Variants in THEMIS observed in about 807,000 individuals in gnomAD.
The protein encoded by THEMIS is protein THEMIS.
Under a neutral mutation model 52.6 loss-of-function variants are expected in THEMIS, and 37 were observed. The ratio of observed to expected loss-of-function variants is 0.70; its 90% CI spans 0.54 to 0.93. The LOEUF (loss-of-function observed/expected upper bound fraction) is 0.93, where lower values mean the gene tolerates loss of function less well. THEMIS is among the 40% of genes least tolerant of loss of function. The probability of loss-of-function intolerance (pLI) is 0.00; values close to 1 mark genes in which losing one functional copy is unlikely to be tolerated. For synonymous variants in THEMIS, 292 were observed against 272.7 expected, an observed-to-expected ratio of 1.07 and a Z score of -0.70; for missense variants, 808 against 763.1, an observed-to-expected ratio of 1.06 and a Z score of -0.69.
At chr6:127,791,440 G>T (rs1777152468) in intron 4 of THEMIS, among the ~76,000 whole-genome samples, 1 of 152,178 alleles carries the variant, frequency 6.6e-6, no homozygotes, top group Non-Finnish European at 1.5e-5. Flanking sequence ...GCTCAAGTCT[G>T]GCTGAGTCCA....
upstream of THEMIS, among the ~76,000 whole-genome samples, chr6:127,901,375 C>T (rs1781130307): frequency 6.6e-6 from 1 of 152,014 alleles, no homozygotes; most frequent in Non-Finnish European, 1.5e-5. Context: ...AAAATGGCAC[C>T]ATGTGAATTC....
chr6:127,765,905 T>G (rs998887542), intron 4 of THEMIS, among the ~76,000 whole-genome samples: 11 of 152,286 alleles, frequency 7.2e-5, no homozygotes, highest in African/African-American at 2.6e-4. Context: ...CAATAATCGG[T>G]GCATACATGT....
At chr6:127,716,126 A>G (rs766556736) in intron 5 of THEMIS, among the ~76,000 whole-genome samples, 1 of 151,926 alleles carries the variant, frequency 6.6e-6, no homozygotes, top group Non-Finnish European at 1.5e-5. Context: ...AGAAAATTAC[A>G]TTAGAAAATA....
chr6:127,809,602 T>C (rs914983441), intron 4 of THEMIS, among the ~76,000 whole-genome samples: 4 of 152,210 alleles, frequency 2.6e-5, no homozygotes, highest in Admixed American at 6.5e-5. Context: ...CAAAGAACTG[T>C]AGACTCTTCT....
intron 4 of THEMIS, among the ~76,000 whole-genome samples, chr6:127,789,102 GA>G (rs1777073294): frequency 1.3e-5 from 2 of 152,032 alleles, no homozygotes; most frequent in Non-Finnish European, 1.5e-5. Flanking sequence ...CTGATTTTTT[GA>G]AAAGATTAAC....
intron 2 of THEMIS, among the ~76,000 whole-genome samples, chr6:127,853,740 T>C (rs927104712): frequency 6.6e-6 from 1 of 151,714 alleles, no homozygotes; most frequent in African/African-American, 2.4e-5. Flanking sequence ...CTATATGCCA[T>C]GTACCTTTCT....
At chr6:127,710,390 A>G (rs958205215) in intron 5 of THEMIS, among the ~76,000 whole-genome samples, 39 of 152,030 alleles carry the variant, frequency 2.6e-4, no homozygotes, top group African/African-American at 9.2e-4. Flanking sequence ...CAGCAATCAC[A>G]TAGCTAGTAA....
At chr6:127,917,790 T>C (rs1363685532) in intron 1 of THEMIS, among the ~76,000 whole-genome samples, 1 of 152,220 alleles carries the variant, frequency 6.6e-6, no homozygotes, top group Non-Finnish European at 1.5e-5. Flanking sequence ...AATTGTGTCA[T>C]TAAAGATAAA....
At chr6:127,916,120 A>T (rs1244298995) in intron 1 of THEMIS, among the ~76,000 whole-genome samples, 1 of 152,056 alleles carries the variant, frequency 6.6e-6, no homozygotes, top group Non-Finnish European at 1.5e-5. Flanking sequence ...TTGTTTAATT[A>T]AAAATATGAT....
intron 4 of THEMIS, among the ~76,000 whole-genome samples, chr6:127,798,986 C>A (rs1215800173): frequency 3.1e-5 from 4 of 128,538 alleles, no homozygotes; most frequent in African/African-American, 1.2e-4. Context: ...AGCGAGACTC[C>A]GTCTCAAAAA....
intron 4 of THEMIS, among the ~76,000 whole-genome samples, chr6:127,791,864 G>A (rs1041768700): frequency 1.3e-5 from 2 of 152,216 alleles, no homozygotes; most frequent in Non-Finnish European, 2.9e-5. Context: ...CAGCCCCCAG[G>A]CTTGGCCACA....
At chr6:127,729,788 AAT>A (rs1486342907) in intron 4 of THEMIS, among the ~76,000 whole-genome samples, 23 of 152,184 alleles carry the variant, frequency 1.5e-4, no homozygotes, top group African/African-American at 5.3e-4. Flanking sequence ...TCATTCGAGT[AAT>A]GAGTTTTCAT....
intron 4 of THEMIS, among the ~76,000 whole-genome samples, chr6:127,737,247 G>T (rs1292956497): frequency 1.3e-5 from 2 of 152,126 alleles, no homozygotes; most frequent in Non-Finnish European, 2.9e-5. Flanking sequence ...CATGGCTTTA[G>T]GATTAAATGT....
chr6:127,800,467 G>A, intron 4 of THEMIS, among the ~76,000 whole-genome samples: 1 of 152,182 alleles, frequency 6.6e-6, no homozygotes, highest in African/African-American at 2.4e-5. Context: ...ATCATACTAG[G>A]CATCTCAACT....
intron 4 of THEMIS, among the ~76,000 whole-genome samples, chr6:127,723,206 C>G (rs549126191): frequency 1.3e-5 from 2 of 152,140 alleles, no homozygotes; most frequent in East Asian, 3.9e-4. Context: ...CCCCTTTGCT[C>G]TTTTTCCTTT....
intron 4 of THEMIS, among the ~76,000 whole-genome samples, chr6:127,801,871 G>A (rs895577956): frequency 4.6e-5 from 7 of 152,116 alleles, no homozygotes; most frequent in Non-Finnish European, 1.0e-4. Context: ...TGCACTACAC[G>A]GGAAAAGAAC....
At chr6:127,820,705 T>C in intron 3 of THEMIS, among the ~76,000 whole-genome samples, 1 of 152,092 alleles carries the variant, frequency 6.6e-6, no homozygotes. Context: ...TCCAATTTAC[T>C]GGCAACCCAA....
At chr6:127,780,098 T>G (rs1007076728) in intron 4 of THEMIS, among the ~76,000 whole-genome samples, 27 of 152,326 alleles carry the variant, frequency 1.8e-4, no homozygotes, top group African/African-American at 6.3e-4. Flanking sequence ...TGGGTGCATA[T>G]ATATTTAGGA....
At chr6:127,701,062 T>C in the THEMIS span, among the ~76,000 whole-genome samples, 1 of 152,100 alleles carries the variant, frequency 6.6e-6, no homozygotes, top group South Asian at 2.1e-4. Flanking sequence ...CAAACCTTCA[T>C]TAATCAAAAC....
Sources: allele counts gnomAD v4.1 joint callset (sites outside exome capture counted in the v4.1 genomes callset), GRCh38; gene constraint gnomAD v4.1.1; transcripts MANE v1.5; gene names NCBI Gene and HGNC (gene_info 2026-07-23, HGNC 2026-07-21).